ELP3: variants seen among roughly 807,000 people sequenced by gnomAD.
The protein encoded by ELP3 is elongator complex protein 3.
In ELP3, 56 loss-of-function variants were observed where a neutral mutation model predicts 74.9. The observed-to-expected ratio is 0.75, with a 90% CI of 0.60 to 0.93. ELP3 has a LOEUF of 0.93. Among genes scored for constraint, ELP3 ranks in the 40% least tolerant of loss-of-function variants. The pLI is 0.00. For synonymous variants in ELP3, 222 were observed against 239.8 expected, an observed-to-expected ratio of 0.93 and a Z score of 0.68; for missense variants, 573 against 686.5, an observed-to-expected ratio of 0.83 and a Z score of 1.85.
chr8:28,136,595 A>G (rs1813000773), intron 9 of ELP3, among the ~76,000 whole-genome samples: 1 of 152,270 alleles, frequency 6.6e-6, no homozygotes, highest in South Asian at 2.1e-4. Context: ...TAAATAGTAC[A>G]TAAAGAATAC....
intron 7 of ELP3, among the ~76,000 whole-genome samples, chr8:28,115,248 CTG>C (rs1255100881): frequency 4.0e-5 from 6 of 151,896 alleles, no homozygotes; most frequent in East Asian, 1.9e-4. Flanking sequence ...CGGTACGAAA[CTG>C]GGGATTATCA....
intron 1 of ELP3, among the ~76,000 whole-genome samples, chr8:28,094,636 TGAGGCA>T (rs1297841817): frequency 6.6e-6 from 1 of 151,604 alleles, no homozygotes; most frequent in African/African-American, 2.4e-5. Flanking sequence ...AGGCTGAGGC[TGAGGCA>T]GAGGCGGGAG....
rs886719779 is a variant in ELP3 at position 28,118,242 on chromosome 8, C to T, written c.617+5069C>T. Among the ~76,000 whole-genome samples the T allele has an allele frequency of 5.3e-5, 8 of 152,098 alleles. No homozygotes were observed. In the East Asian group the frequency reaches 5.8e-4, roughly 11 times the overall value. The stretch of plus-strand genomic sequence containing the variant: ...GCATTTAAGGTTAATAGTCTGTTCA[C>T]GTTAGGGTCAAGTTTTACTGCTGTG... On this transcript the variant is annotated intron_variant, in intron 7 of 14. Coordinates refer to ENST00000256398, the MANE Select transcript of ELP3 (RefSeq NM_018091.6).
chr8:28,118,149 GGGT>G, intron 7 of ELP3, among the ~76,000 whole-genome samples: 1 of 152,264 alleles, frequency 6.6e-6, no homozygotes, highest in African/African-American at 2.4e-5. Flanking sequence ...TAGCTTAGCA[GGGT>G]TTTTTAAAGA....
intron 14 of ELP3, among the ~76,000 whole-genome samples, chr8:28,177,459 A>G (rs963443326): frequency 1.3e-5 from 2 of 152,276 alleles, no homozygotes; most frequent in Admixed American, 1.3e-4. Flanking sequence ...TAATGTTGGT[A>G]GATACATCAA....
chr8:28,108,457 CTTTTTTTTTT>C (rs33948469), intron 5 of ELP3, among the ~76,000 whole-genome samples: 1 of 117,572 alleles, frequency 8.5e-6, no homozygotes, highest in Admixed American at 1.0e-4. Context: ...ATTTTTTTTT[CTTTTTTTTTT>C]TTTTTTTTGA....
intron 9 of ELP3, among the ~76,000 whole-genome samples, chr8:28,135,605 C>T (rs1189600898): frequency 6.6e-6 from 1 of 152,270 alleles, no homozygotes; most frequent in East Asian, 1.9e-4. Flanking sequence ...TCCAGTTTCT[C>T]CAGGGACTAA....
chr8:28,110,375 C>G lies in ELP3; in HGVS notation c.399C>G (p.Thr133=), dbSNP rs758606257. Residue 133 remains threonine, a synonymous_variant, in exon 6 of 15, where the codon ACC becomes ACG. Coordinates refer to ENST00000256398, the MANE Select transcript of ELP3 (RefSeq NM_018091.6). ...ACAATATTTTTCTCTTCTAGCCAAC[C>G]TCCATGAGAGCTATCCGTGCCAGAT... is the stretch of plus-strand genomic sequence containing the variant. ...STQSYTGYEP[T]SMRAIRARYD... 8 of 1,613,232 alleles carry G rather than the reference C, an allele frequency of 5.0e-6. No individual in the cohort carries two copies. The highest frequency in any genetic ancestry group is 6.8e-6 in the Non-Finnish European group (8 of 1,179,710).
At chr8:28,176,617 C>G (rs1814767144) in intron 14 of ELP3, among the ~76,000 whole-genome samples, 1 of 152,152 alleles carries the variant, frequency 6.6e-6, no homozygotes, top group South Asian at 2.1e-4. Flanking sequence ...TAGTTGGTTG[C>G]AATTATTTTT....
At position 28,142,238 on chromosome 8, in the gene ELP3, A is replaced by G. The variant is rs372859969; in HGVS notation, c.1100+4347A>G. ...CAACCGAAAGGTCATATGATAAGAA[A>G]GGCATGACATTATTAATAAGCAACA... On this transcript the variant is annotated intron_variant, in intron 10 of 14. Transcript: ENST00000256398. Among the ~76,000 whole-genome samples the G allele has an allele frequency of 3.6e-4, 55 of 152,318 alleles. 1 individual carries two copies. The East Asian group carries it at 8.1e-3, about 22-fold the overall frequency.
At chr8:28,108,108 A>G (rs556979680) in intron 5 of ELP3, 132 bp downstream of exon 5, 4 of 697,576 alleles carry the variant, frequency 5.7e-6, no homozygotes, top group African/African-American at 3.6e-5. Flanking sequence ...AAAGCTGTTC[A>G]TTCACCAAAT....
chr8:28,189,200 T>C (rs1298258705), intron 14 of ELP3, among the ~76,000 whole-genome samples: 1 of 152,180 alleles, frequency 6.6e-6, no homozygotes, highest in East Asian at 1.9e-4. Flanking sequence ...TCCCATTTTT[T>C]CCCCCACTCT....
intron 13 of ELP3, among the ~76,000 whole-genome samples, chr8:28,160,700 A>T (rs7465684): frequency 0.081 from 12,320 of 152,012 alleles, 950 homozygotes; most frequent in East Asian, 0.35. Context: ...ACCACATGGA[A>T]TTGGTTTTTT....
intron 10 of ELP3, among the ~76,000 whole-genome samples, chr8:28,146,078 C>T (rs984404599): frequency 2.6e-5 from 4 of 152,176 alleles, no homozygotes; most frequent in Admixed American, 1.3e-4. Flanking sequence ...CCTGCCCTAC[C>T]CATTACCTTT....
chr8:28,139,016 T>TATCC (rs1813110463), intron 10 of ELP3, among the ~76,000 whole-genome samples: 1 of 152,110 alleles, frequency 6.6e-6, no homozygotes, highest in Non-Finnish European at 1.5e-5. Flanking sequence ...GCAGTGTAGG[T>TATCC]ATCCACATGC....
At chr8:28,139,790 C>G (rs911019274) in intron 10 of ELP3, among the ~76,000 whole-genome samples, 2 of 152,144 alleles carry the variant, frequency 1.3e-5, no homozygotes, top group Admixed American at 6.5e-5. Context: ...ACTAAAAATA[C>G]AAAAAATGGC....
At chr8:28,119,575 TATA>T (rs1812277312) in intron 7 of ELP3, among the ~76,000 whole-genome samples, 1 of 266 alleles carries the variant, frequency 3.8e-3, no homozygotes, top group Admixed American at 0.022. Context: ...TGGCGTTTTA[TATA>T]TATATATATA....
intron 14 of ELP3, among the ~76,000 whole-genome samples, chr8:28,185,086 A>AGAT (rs1379689109): frequency 3.3e-5 from 5 of 152,224 alleles, no homozygotes; most frequent in African/African-American, 1.2e-4. Flanking sequence ...ACATTCTCCA[A>AGAT]GATACATTGT....
At chr8:28,185,524 G>A (rs1172134005) in intron 14 of ELP3, among the ~76,000 whole-genome samples, 1 of 152,224 alleles carries the variant, frequency 6.6e-6, no homozygotes, top group Non-Finnish European at 1.5e-5. Context: ...GACCTGCGCA[G>A]TGTGATTACT....
Sources: allele counts gnomAD v4.1 joint callset (sites outside exome capture counted in the v4.1 genomes callset), GRCh38; gene constraint gnomAD v4.1.1; transcripts MANE v1.5; gene names NCBI Gene and HGNC (gene_info 2026-07-23, HGNC 2026-07-21).